PLA2R1: variants seen among roughly 807,000 people sequenced by gnomAD.
PLA2R1 encodes the protein phospholipase A2 receptor 1.
Under a neutral mutation model 195.9 loss-of-function variants are expected in PLA2R1, and 158 were observed. The ratio of observed to expected loss-of-function variants is 0.81; its 90% CI spans 0.71 to 0.92. The LOEUF is 0.92. Ranked by LOEUF, PLA2R1 falls within the 40% of genes least tolerant of loss-of-function variation. The pLI is 0.00. For missense variants in PLA2R1, 1,626 were observed against 1,764.6 expected (o/e 0.92, Z 1.41); for synonymous variants, 586 against 598.2 (o/e 0.98, Z 0.30).
chr2:159,983,785 ATATG>A (rs1690134016), intron 13 of PLA2R1, 139 bp downstream of exon 13: 1 of 516,692 alleles, frequency 1.9e-6, no homozygotes, highest in East Asian at 2.9e-5. Context: ...ACATAAAACT[ATATG>A]TATATTTATT....
At chr2:159,994,078 G>C (rs1032180602) in intron 11 of PLA2R1, among the ~76,000 whole-genome samples, 5 of 146,828 alleles carry the variant, frequency 3.4e-5, no homozygotes, top group Non-Finnish European at 7.5e-5. Flanking sequence ...GTCACAAAAA[G>C]AGAAAAAAAA....
chr2:159,968,183 T>A (rs1046081252), intron 19 of PLA2R1, among the ~76,000 whole-genome samples: 1 of 151,502 alleles, frequency 6.6e-6, no homozygotes, highest in African/African-American at 2.4e-5. Flanking sequence ...TATAGACATG[T>A]CTTCAGTAAG....
intron 1 of PLA2R1, among the ~76,000 whole-genome samples, chr2:160,046,262 A>G (rs113588536): frequency 1.8e-4 from 27 of 152,284 alleles, no homozygotes; most frequent in African/African-American, 6.0e-4. Context: ...ACCTCAGTTC[A>G]TGTCTGGTGA....
intron 20 of PLA2R1, among the ~76,000 whole-genome samples, chr2:159,964,027 C>G (rs1688621541): frequency 6.6e-6 from 1 of 152,148 alleles, no homozygotes; most frequent in Non-Finnish European, 1.5e-5. Flanking sequence ...TATTCACACA[C>G]ACACACACGC....
chr2:159,997,461 C>G (rs528252637), intron 11 of PLA2R1, among the ~76,000 whole-genome samples: 1 of 152,220 alleles, frequency 6.6e-6, no homozygotes, highest in East Asian at 1.9e-4. Flanking sequence ...TTGTTAAGAA[C>G]AGAATGCTTT....
chr2:160,010,554 C>T (rs1320164903), intron 10 of PLA2R1, among the ~76,000 whole-genome samples: 1 of 152,154 alleles, frequency 6.6e-6, no homozygotes, highest in African/African-American at 2.4e-5. Flanking sequence ...AATCGATTAG[C>T]AACTACAAGC....
chr2:160,028,904 C>T lies in PLA2R1; in HGVS notation c.901G>A (p.Ala301Thr), dbSNP rs113724146. The change falls in exon 5 of 30, where the codon GCT becomes ACT. Residue 301 changes from alanine to threonine, a missense_variant. Ala to Thr is a moderately conservative substitution (Grantham distance 58, BLOSUM62 0). Coordinates refer to ENST00000283243, the MANE Select transcript of PLA2R1 (RefSeq NM_007366.5). ...WMGLNQLDEH[A>T]GWQWSDGTPL... The stretch of plus-strand genomic sequence containing the variant: ...GTTCCATCAGACCACTGCCAGCCAG[C>T]GTGTTCATCCAGCTGATTGAGGCCC... 9.3e-6 allele frequency: 15 copies of T among 1,612,682 alleles called. No individual in the cohort carries two copies. Among genetic ancestry groups the T allele is most frequent in the South Asian group, 4.4e-5 (4 of 91,068 alleles).
At position 159,989,830 on chromosome 2, in the gene PLA2R1, G is replaced by T. The variant is rs184508563; in HGVS notation, c.1835-2472C>A. 7.2e-5 allele frequency among the ~76,000 whole-genome samples: 11 copies of T among 152,298 alleles called. No homozygotes were observed. The East Asian group carries it at 1.9e-3, about 27-fold the overall frequency. ...TTCAAAAGTTTGAATCAGCAAGTTTGAAATGTAATATACTTTTTTGTTGGT... is the reference window on the plus strand; with the variant it reads ...TTCAAAAGTTTGAATCAGCAAGTTTTAAATGTAATATACTTTTTTGTTGGT... On this transcript the variant is annotated intron_variant, in intron 11 of 29. Transcript: ENST00000283243.
intron 11 of PLA2R1, among the ~76,000 whole-genome samples, chr2:159,995,265 C>A (rs906908392): frequency 6.6e-6 from 1 of 151,962 alleles, no homozygotes; most frequent in Non-Finnish European, 1.5e-5. Context: ...GCTTGAGCAG[C>A]CAAACTGAAC....
intron 1 of PLA2R1, among the ~76,000 whole-genome samples, chr2:160,056,082 T>C (rs1454860270): frequency 1.3e-5 from 2 of 152,096 alleles, no homozygotes; most frequent in African/African-American, 4.8e-5. Context: ...TTAGCTTCCA[T>C]ACAGATGACC....
intron 20 of PLA2R1, among the ~76,000 whole-genome samples, chr2:159,965,700 T>C (rs1470747825): frequency 1.3e-5 from 2 of 152,106 alleles, no homozygotes; most frequent in East Asian, 1.9e-4. Context: ...GTATGTTTAG[T>C]TTTGTAAGAA....
intron 3 of PLA2R1, among the ~76,000 whole-genome samples, chr2:160,040,440 T>C (rs1268410257): frequency 3.3e-5 from 5 of 152,202 alleles, no homozygotes; most frequent in Non-Finnish European, 7.3e-5. Context: ...TATCCCTGTA[T>C]ATAGATGTAT....
chr2:159,977,239 T>A, intron 15 of PLA2R1, 45 bp downstream of exon 15: 1 of 1,446,500 alleles, frequency 6.9e-7, no homozygotes, highest in Non-Finnish European at 9.7e-7. Flanking sequence ...TACTAGAGAT[T>A]ATTAGAAATC....
chr2:159,993,237 C>T lies in PLA2R1; in HGVS notation c.1835-5879G>A, dbSNP rs560083363. Among the ~76,000 whole-genome samples the T allele has an allele frequency of 1.1e-4, 16 of 151,982 alleles. 1 individual carries two copies. In the South Asian group the frequency reaches 3.3e-3, roughly 32 times the overall value. On this transcript the variant is annotated intron_variant, in intron 11 of 29. Transcript: ENST00000283243. ...TTAGTATGGATGAAAACCATTTTTC[C>T]TGTTTCACCTGAATATTTCATTTCT...
Position 159,977,286 on chromosome 2 carries a change from CTT to C in PLA2R1, c.2397_2398del (p.Asp801CysfsTer36), listed in dbSNP as rs1436571429. On this transcript the variant is annotated frameshift_variant, in exon 15 of 30. Coordinates refer to ENST00000283243, the MANE Select transcript of PLA2R1 (RefSeq NM_007366.5). LOFTEE classifies it high-confidence loss of function. ...AAAGATCTTACTACTATTTTTACCT[CTT>C]GGGATTTTGCATATCCATTCACGTT... 3.7e-6 allele frequency: 6 copies of C among 1,609,600 alleles called. No individual in the cohort carries two copies. The highest frequency in any genetic ancestry group is 5.1e-6 in the Non-Finnish European group (6 of 1,176,620).
At chr2:159,987,574 G>A (rs1690441041) in intron 11 of PLA2R1, among the ~76,000 whole-genome samples, 1 of 152,178 alleles carries the variant, frequency 6.6e-6, no homozygotes, top group Non-Finnish European at 1.5e-5. Context: ...AAAAGAGAGT[G>A]TGAAGGCTGA....
intron 11 of PLA2R1, among the ~76,000 whole-genome samples, chr2:159,987,749 G>C (rs1451209060): frequency 1.3e-5 from 2 of 152,154 alleles, no homozygotes; most frequent in East Asian, 3.8e-4. Flanking sequence ...CTAACAACTG[G>C]ATTCAACAGG....
intron 2 of PLA2R1, among the ~76,000 whole-genome samples, chr2:160,043,292 G>T (rs1694663234): frequency 6.6e-6 from 1 of 152,098 alleles, no homozygotes; most frequent in Non-Finnish European, 1.5e-5. Flanking sequence ...TAGGGAGAGG[G>T]TGAAGCGAGA....
intron 10 of PLA2R1, among the ~76,000 whole-genome samples, chr2:160,008,367 C>T (rs1342530373): frequency 6.6e-6 from 1 of 152,088 alleles, no homozygotes; most frequent in African/African-American, 2.4e-5. Context: ...AACGCATAGG[C>T]CAGTGGAATA....
Sources: allele counts gnomAD v4.1 joint callset (sites outside exome capture counted in the v4.1 genomes callset), GRCh38; gene constraint gnomAD v4.1.1; transcripts MANE v1.5; gene names NCBI Gene and HGNC (gene_info 2026-07-23, HGNC 2026-07-21).